The following CSMD3 variants were observed in gnomAD, a reference collection of about 807,000 sequenced individuals.
The protein encoded by CSMD3 is CUB and Sushi multiple domains 3.
Under a neutral mutation model 435.2 loss-of-function variants are expected in CSMD3, and 177 were observed. That is an observed-to-expected ratio of 0.41 (90% confidence interval 0.36 to 0.46). The LOEUF is 0.46. Ranked by LOEUF, CSMD3 falls within the 20% of genes least tolerant of loss-of-function variation. The pLI is 0.34. For missense variants in CSMD3, 4,265 were observed against 4,504.6 expected, an observed-to-expected ratio of 0.95 and a Z score of 1.52; for synonymous variants, 1,656 against 1,520.5, an observed-to-expected ratio of 1.09 and a Z score of -2.07.
At chr8:113,428,173 C>A (rs2094647200) in intron 1 of CSMD3, among the ~76,000 whole-genome samples, 1 of 151,308 alleles carries the variant, frequency 6.6e-6, no homozygotes. Context: ...ATTACAAAAC[C>A]AATTAAGTTA....
chr8:112,587,181 T>A lies in CSMD3; in HGVS notation c.3770A>T (p.Tyr1257Phe). 2.5e-6 allele frequency: 4 copies of A among 1,610,558 alleles called. No homozygotes were observed. The highest frequency in any genetic ancestry group is 1.1e-5 in the South Asian group (1 of 91,012). The change falls in exon 23 of 71, where the codon TAT becomes TTT. Residue 1257 changes from tyrosine (Y) to phenylalanine (F), a missense_variant. Physicochemically the swap from Tyr to Phe is conservative, Grantham distance 22. Around this residue, in one of 3 missense-constraint regions of CSMD3, gnomAD observed 3,255 missense variants for 3,380.2 expected, o/e 0.96. Transcript: ENST00000297405. ...NNEGILLSPN[Y>F]PLNYENNHEC... Reference sequence around the variant, plus strand: ...ATGGTTGTTTTCATAGTTGAGTGGATAATTTGGAGACAGCAAAATTCCTTC... The same window carrying A: ...ATGGTTGTTTTCATAGTTGAGTGGAAAATTTGGAGACAGCAAAATTCCTTC...
intron 4 of CSMD3, 71 bp downstream of exon 4, chr8:113,173,651 C>A: frequency 8.2e-7 from 1 of 1,217,046 alleles, no homozygotes; most frequent in Non-Finnish European, 1.2e-6. Context: ...GTAGAAGAAA[C>A]AGGCACCAAA....
At chr8:112,575,465 T>C (rs1829864729) in intron 23 of CSMD3, among the ~76,000 whole-genome samples, 1 of 152,084 alleles carries the variant, frequency 6.6e-6, no homozygotes, top group Non-Finnish European at 1.5e-5. Flanking sequence ...CTCTCTCTTT[T>C]TATACACTCT....
intron 3 of CSMD3, among the ~76,000 whole-genome samples, chr8:113,180,086 G>A (rs2092402888): frequency 6.6e-6 from 1 of 151,856 alleles, no homozygotes; most frequent in South Asian, 2.1e-4. Flanking sequence ...TTAAAACAAT[G>A]CAAAATTATA....
intron 1 of CSMD3, among the ~76,000 whole-genome samples, chr8:113,418,148 G>A (rs2094591169): frequency 6.6e-6 from 1 of 152,020 alleles, no homozygotes; most frequent in Non-Finnish European, 1.5e-5. Flanking sequence ...TGTTACATGA[G>A]GGAGATCGAA....
intron 27 of CSMD3, among the ~76,000 whole-genome samples, chr8:112,544,568 T>C (rs1001083005): frequency 3.3e-5 from 5 of 152,238 alleles, no homozygotes; most frequent in Non-Finnish European, 7.3e-5. Flanking sequence ...TAAATAAGTT[T>C]TATTGAAATG....
chr8:112,978,433 C>A (rs980256788), intron 6 of CSMD3, among the ~76,000 whole-genome samples: 14 of 151,932 alleles, frequency 9.2e-5, no homozygotes, highest in African/African-American at 3.4e-4. Flanking sequence ...CCAATCCAAA[C>A]ACTCACTTTC....
At chr8:112,703,403 G>A (rs946367101) in intron 13 of CSMD3, among the ~76,000 whole-genome samples, 10 of 152,260 alleles carry the variant, frequency 6.6e-5, no homozygotes, top group African/African-American at 1.9e-4. Context: ...TGGAAATATA[G>A]GTTTAAATGG....
intron 23 of CSMD3, among the ~76,000 whole-genome samples, chr8:112,579,785 T>G (rs767264732): frequency 5.1e-4 from 78 of 152,032 alleles, no homozygotes; most frequent in Non-Finnish European, 1.0e-3. Flanking sequence ...TACAAGAATG[T>G]TATTAATCAA....
At chr8:113,418,198 G>T (rs761387970) in intron 1 of CSMD3, among the ~76,000 whole-genome samples, 1 of 152,092 alleles carries the variant, frequency 6.6e-6, no homozygotes, top group Non-Finnish European at 1.5e-5. Flanking sequence ...GTTATGTCAA[G>T]AATTATAATT....
chr8:112,423,324 A>C (rs1021385367), intron 32 of CSMD3, among the ~76,000 whole-genome samples: 2 of 152,164 alleles, frequency 1.3e-5, no homozygotes, highest in Admixed American at 6.6e-5. Flanking sequence ...GATTTTTGGC[A>C]ACATTATTGT....
At chr8:112,409,171 G>A in intron 32 of CSMD3, 139 bp from the exon 33 acceptor site, 1 of 1,464,448 alleles carries the variant, frequency 6.8e-7, no homozygotes, top group South Asian at 1.3e-5. Context: ...ACCTAAAAGA[G>A]GATAGGTGCC....
At position 112,685,737 on chromosome 8, in the gene CSMD3, T is replaced by G. The variant is rs2075996468; in HGVS notation, c.2156-5A>C. 4 of 1,557,456 alleles carry G rather than the reference T, an allele frequency of 2.6e-6. No individual in the cohort carries two copies. In the South Asian group the frequency reaches 4.5e-5, roughly 17 times the overall value. On this transcript the variant is annotated splice_region_variant and splice_polypyrimidine_tract_variant and intron_variant, in intron 14 of 70. Transcript: ENST00000297405. ...TAAAGTTAGACAGGCAGGGAACTGG[T>G]GAAACAGGAAGATTATGAAATACAA...
At chr8:113,073,115 A>G (rs1412979581) in intron 5 of CSMD3, among the ~76,000 whole-genome samples, 1 of 151,846 alleles carries the variant, frequency 6.6e-6, no homozygotes, top group Non-Finnish European at 1.5e-5. Flanking sequence ...GAACCAAAGA[A>G]CATGCACATT....
intron 6 of CSMD3, 50 bp downstream of exon 6, chr8:113,019,017 C>T (rs1564214472): frequency 8.3e-7 from 1 of 1,208,954 alleles, no homozygotes; most frequent in Non-Finnish European, 1.2e-6. Flanking sequence ...GTTGTGTACA[C>T]CAAAATTATT....
chr8:112,282,984 A>AT (rs1563734817), intron 58 of CSMD3, among the ~76,000 whole-genome samples: 1 of 152,126 alleles, frequency 6.6e-6, no homozygotes, highest in African/African-American at 2.4e-5. Flanking sequence ...TTTTAGATTC[A>AT]TTAAGCACTT....
intron 3 of CSMD3, among the ~76,000 whole-genome samples, chr8:113,273,009 T>C (rs186350774): frequency 3.3e-5 from 5 of 152,122 alleles, no homozygotes; most frequent in African/African-American, 4.8e-5. Context: ...TGAAGTGAAT[T>C]TGCAATGTTT....
At chr8:112,558,303 C>T (rs990895629) in intron 24 of CSMD3, among the ~76,000 whole-genome samples, 1 of 151,804 alleles carries the variant, frequency 6.6e-6, no homozygotes, top group Non-Finnish European at 1.5e-5. Flanking sequence ...CCTTGAAAAC[C>T]CTCATTCCAT....
At chr8:112,980,992 T>C (rs1256081939) in intron 6 of CSMD3, among the ~76,000 whole-genome samples, 2 of 151,422 alleles carry the variant, frequency 1.3e-5, no homozygotes, top group African/African-American at 4.8e-5. Flanking sequence ...TGTTATTAAG[T>C]ATAAAAATAT....
Sources: allele counts gnomAD v4.1 joint callset (sites outside exome capture counted in the v4.1 genomes callset), GRCh38; gene constraint gnomAD v4.1.1; regional missense constraint gnomAD v4.1.1; transcripts MANE v1.5; gene names NCBI Gene and HGNC (gene_info 2026-07-23, HGNC 2026-07-21).